ROBO2: variants seen among roughly 807,000 people sequenced by gnomAD.
ROBO2 encodes roundabout guidance receptor 2.
Under a neutral mutation model 160.8 loss-of-function variants are expected in ROBO2, and 53 were observed. The observed-to-expected ratio is 0.33, with a 90% confidence interval of 0.26 to 0.41. The LOEUF is 0.41. ROBO2 is among the 10% of genes least tolerant of loss of function. ROBO2 has a pLI of 1.00. For synonymous variants in ROBO2, 664 were observed against 611.7 expected, an observed-to-expected ratio of 1.09 and a Z score of -1.26; for missense variants, 1,577 against 1,722.4, an observed-to-expected ratio of 0.92 and a Z score of 1.49.
intron 2 of ROBO2, among the ~76,000 whole-genome samples, chr3:76,835,213 T>C (rs923137671): frequency 6.6e-6 from 1 of 151,560 alleles, no homozygotes; most frequent in Non-Finnish European, 1.5e-5. Context: ...GGAATTTTTA[T>C]CGTGAAAAAT....
chr3:77,477,261 AGAATAT>A, intron 2 of ROBO2, 147 bp from the exon 3 acceptor site: 1 of 774,942 alleles, frequency 1.3e-6, no homozygotes, highest in Non-Finnish European at 2.3e-6. Context: ...TGTTGGCTCC[AGAATAT>A]TTTAAGGTGG....
intron 2 of ROBO2, among the ~76,000 whole-genome samples, chr3:76,099,001 C>T (rs948115101): frequency 6.6e-6 from 1 of 152,114 alleles, no homozygotes; most frequent in Non-Finnish European, 1.5e-5. Context: ...CACATTTTCA[C>T]TCATAATCAA....
intron 2 of ROBO2, among the ~76,000 whole-genome samples, chr3:77,239,971 T>C (rs1418044455): frequency 6.6e-6 from 1 of 152,184 alleles, no homozygotes; most frequent in African/African-American, 2.4e-5. Context: ...TACAATCCTC[T>C]AGCTAGAGAT....
chr3:77,490,224 C>T (rs1427366576), intron 4 of ROBO2, among the ~76,000 whole-genome samples: 4 of 151,636 alleles, frequency 2.6e-5, no homozygotes, highest in Non-Finnish European at 5.9e-5. Context: ...CCTCAGCCTC[C>T]CGAGTAGCTG....
chr3:76,090,146 T>C (rs370277056), intron 2 of ROBO2, among the ~76,000 whole-genome samples: 2 of 152,072 alleles, frequency 1.3e-5, no homozygotes, highest in Admixed American at 6.6e-5. Flanking sequence ...TAAGGAACAC[T>C]ACGAAACTCT....
intron 2 of ROBO2, among the ~76,000 whole-genome samples, chr3:76,893,548 A>T (rs147970445): frequency 4.9e-4 from 74 of 152,136 alleles, no homozygotes; most frequent in African/African-American, 1.8e-3. Context: ...TTGATGTATA[A>T]CATATTACAT....
chr3:77,611,741 A>C (rs2094647522), intron 21 of ROBO2, among the ~76,000 whole-genome samples: 1 of 152,230 alleles, frequency 6.6e-6, no homozygotes, highest in African/African-American at 2.4e-5. Context: ...GTTATCAAAC[A>C]ATTGCCCAAA....
At chr3:77,493,121 G>A (rs2086340181) in intron 4 of ROBO2, 123 bp from the exon 5 acceptor site, 1 of 913,298 alleles carries the variant, frequency 1.1e-6, no homozygotes, top group East Asian at 2.5e-5. Context: ...ACACAGCTGA[G>A]GTACAGAGTT....
intron 2 of ROBO2, among the ~76,000 whole-genome samples, chr3:76,031,984 C>G (rs185038329): frequency 4.0e-4 from 61 of 152,168 alleles, no homozygotes; most frequent in Non-Finnish European, 7.8e-4. Context: ...AGCTGTGAAT[C>G]CTGGACTTTT....
At chr3:77,647,938 C>G (rs1354529583) in exon 26 of ROBO2, 1 of 152,112 alleles carries the variant, frequency 6.6e-6, no homozygotes, top group East Asian at 1.9e-4. Flanking sequence ...GAGACTGCAT[C>G]AGCACAGGCA....
chr3:76,045,200 A>G (rs1411119348), intron 2 of ROBO2, among the ~76,000 whole-genome samples: 1 of 152,074 alleles, frequency 6.6e-6, no homozygotes, highest in Non-Finnish European at 1.5e-5. Context: ...GCCATGTTAC[A>G]TGATTAATAC....
chr3:77,498,373 G>T (rs2087078907), intron 5 of ROBO2, among the ~76,000 whole-genome samples: 1 of 152,168 alleles, frequency 6.6e-6, no homozygotes, highest in African/African-American at 2.4e-5. Context: ...CTTGCACATA[G>T]TGGATATAAT....
At chr3:77,311,251 A>G (rs1328626945) in intron 2 of ROBO2, among the ~76,000 whole-genome samples, 1 of 152,202 alleles carries the variant, frequency 6.6e-6, no homozygotes, top group Non-Finnish European at 1.5e-5. Flanking sequence ...ACAAAACTAC[A>G]TACATCAGGT....
intron 2 of ROBO2, among the ~76,000 whole-genome samples, chr3:76,603,146 A>G (rs1701043074): frequency 6.6e-6 from 1 of 151,200 alleles, no homozygotes; most frequent in African/African-American, 2.4e-5. Context: ...CCTGGCTAAC[A>G]TGGTGAAACC....
chr3:75,935,837 T>G (rs1435460488), intron 1 of ROBO2, among the ~76,000 whole-genome samples: 4 of 152,178 alleles, frequency 2.6e-5, no homozygotes, highest in African/African-American at 9.7e-5. Context: ...GTTCAGAGCA[T>G]AGGCTTTGAA....
intron 2 of ROBO2, among the ~76,000 whole-genome samples, chr3:76,660,823 A>G (rs2091783623): frequency 6.6e-6 from 1 of 152,142 alleles, no homozygotes. Flanking sequence ...ACTCAAAAAG[A>G]ATTTACAGCT....
chr3:77,413,851 G>A (rs967025576), intron 2 of ROBO2, among the ~76,000 whole-genome samples: 7 of 152,098 alleles, frequency 4.6e-5, no homozygotes, highest in African/African-American at 1.7e-4. Context: ...AATGTGGCAG[G>A]TCAATCTGAC....
intron 2 of ROBO2, among the ~76,000 whole-genome samples, chr3:76,476,232 C>G (rs558098890): frequency 6.6e-6 from 1 of 152,314 alleles, no homozygotes; most frequent in East Asian, 1.9e-4. Context: ...TCGTCTTTAA[C>G]AGCTATTCCT....
intron 2 of ROBO2, among the ~76,000 whole-genome samples, chr3:76,602,898 G>A (rs1361217774): frequency 6.6e-6 from 1 of 152,184 alleles, no homozygotes; most frequent in African/African-American, 2.4e-5. Flanking sequence ...CAAAATGAGA[G>A]CATTTGTCTG....
Sources: allele counts gnomAD v4.1 joint callset (sites outside exome capture counted in the v4.1 genomes callset), GRCh38; gene constraint gnomAD v4.1.1; transcripts MANE v1.5; gene names NCBI Gene and HGNC (gene_info 2026-07-23, HGNC 2026-07-21).